CCNI2: variants seen among roughly 807,000 people sequenced by gnomAD.
CCNI2 encodes the protein cyclin I family member 2, also known as cyclin-I2.
CCNI2 carries 32 observed loss-of-function variants against 33.2 expected under a neutral mutation model. The observed-to-expected ratio is 0.96, with a 90% CI of 0.73 to 1.30. The LOEUF (loss-of-function observed/expected upper bound fraction) is 1.30, where lower values mean the gene tolerates loss of function less well. CCNI2 is among the 50% of genes most tolerant of loss of function. CCNI2 has a pLI of 0.00. For missense variants in CCNI2, 452 were observed against 486.2 expected (o/e 0.93, Z 0.66); for synonymous variants, 231 against 219.9 (o/e 1.05, Z -0.45).
At chr5:132,755,866 A>C, downstream of CCNI2, 1 of 688,558 alleles carries the variant, frequency 1.5e-6, no homozygotes, top group Non-Finnish European at 1.8e-6. Context: ...CTATTAAAAC[A>C]ATTCCTACAG....
chr5:132,747,963 C>T lies in CCNI2; in HGVS notation c.429+39C>T, dbSNP rs982337658. On this transcript the variant is annotated intron_variant, in intron 1 of 5. Coordinates refer to ENST00000378731, the MANE Select transcript of CCNI2 (RefSeq NM_001039780.4). The surrounding 1 kb of genome is among the most constrained non-coding windows in gnomAD (Gnocchi z 4.1). The stretch of plus-strand genomic sequence containing the variant: ...CCGCGTGGCCCTCCTCGCGCGTGCA[C>T]GGCAGGCGGATGTGGCCTCCACCTG... 4.4e-6 allele frequency: 6 copies of T among 1,359,756 alleles called. No individual in the cohort carries two copies. Among genetic ancestry groups the T allele is most frequent in the Non-Finnish European group, 5.6e-6 (6 of 1,062,160 alleles). 84.2% of individuals were successfully genotyped at this position (1,359,756 alleles called of 1,614,324 possible).
chr5:132,751,752 CTT>C (rs879047407), intron 4 of CCNI2: 11,127 of 511,948 alleles, frequency 0.022, no homozygotes, highest in South Asian at 0.036. Flanking sequence ...ACAAAGCAGA[CTT>C]TTTTTTTTTT....
Position 132,747,545 on chromosome 5 carries a change from G to A in CCNI2, c.50G>A (p.Ser17Asn). Residue 17 changes from serine to asparagine, a missense_variant, in exon 1 of 6, where the codon AGC becomes AAC. Ser to Asn is a conservative substitution (Grantham distance 46). Coordinates refer to ENST00000378731, the MANE Select transcript of CCNI2 (RefSeq NM_001039780.4). The surrounding 1 kb of genome is among the most constrained non-coding windows in gnomAD (Gnocchi z 4.1). Reference sequence around the variant, plus strand: ...CCGCAGCCGTCGAGCTCAGAGGTCAGCGCCGTCCAGAGCCCAGGCGGGCGT... The same window carrying A: ...CCGCAGCCGTCGAGCTCAGAGGTCAACGCCGTCCAGAGCCCAGGCGGGCGT... ...LPPQPSSSEV[S>N]AVQSPGGRPG... 1 of 1,505,730 alleles carries A rather than the reference G, an allele frequency of 6.6e-7. No individual in the cohort carries two copies. Among genetic ancestry groups the A allele is most frequent in the Non-Finnish European group, 8.8e-7 (1 of 1,134,102 alleles). The allele number at this position is 1,505,730 out of a possible 1,614,324, so 93.3% of individuals were successfully genotyped here.
chr5:132,753,859 A>G lies in CCNI2; in HGVS notation c.*889A>G, dbSNP rs1755074999. 6.6e-6 allele frequency: 1 copy of G among 152,464 alleles called. No individual in the cohort carries two copies. The highest frequency in any genetic ancestry group is 2.1e-4 in the South Asian group (1 of 4,824). 9.4% of individuals were successfully genotyped at this position (152,464 alleles called of 1,614,324 possible). A position where few individuals can be genotyped will look rare whatever the true frequency, so the allele number is the denominator to read the frequency against. On this transcript the variant is annotated 3_prime_UTR_variant, in exon 6 of 6. Transcript: ENST00000378731. ...TCTAAGCAGGGGAGTGCAGCTGACAAAGATGCCAGCTGGGGCTGTGTAAGT... is the reference window on the plus strand; with the variant it reads ...TCTAAGCAGGGGAGTGCAGCTGACAGAGATGCCAGCTGGGGCTGTGTAAGT...
intron 4 of CCNI2, chr5:132,751,209 TA>T (rs1754817357): frequency 4.2e-6 from 2 of 471,604 alleles, no homozygotes; most frequent in Non-Finnish European, 7.3e-6. Flanking sequence ...TAAAGGACAT[TA>T]AATTAACTTT....
chr5:132,754,380 G>A lies in CCNI2; in HGVS notation c.*1410G>A. The A allele has an allele frequency of 1.4e-6, 1 of 717,248 alleles. No homozygotes were observed. Among genetic ancestry groups the A allele is most frequent in the Non-Finnish European group, 2.6e-6 (1 of 384,996 alleles). 44.4% of individuals were successfully genotyped at this position (717,248 alleles called of 1,614,324 possible). On this transcript the variant is annotated 3_prime_UTR_variant, in exon 6 of 6. Transcript: ENST00000378731. ...CTTCCAGTGTAAGTGGGACCACAGT[G>A]CATGAGGCAGAAGGACATCCTGAGG...
In CCNI2 at chr5:132,752,148, C is replaced by T. The variant is rs1183851168; in HGVS notation, c.957C>T (p.Leu319=). 7 of 1,595,746 alleles carry T rather than the reference C, an allele frequency of 4.4e-6. No individual in the cohort carries two copies. The highest frequency in any genetic ancestry group is 6.0e-6 in the Non-Finnish European group (7 of 1,170,256). ...TCATCACCTTAGAGCTGGAGAGGCT[C>T]ATGCCCGGCTGGTGTGCTCCTATAT... ...LVIITLELER[L]MPGWCAPISD... Residue 319 remains leucine (L), a synonymous_variant, in exon 5 of 6, where the codon CTC becomes CTT. Coordinates refer to ENST00000378731, the MANE Select transcript of CCNI2 (RefSeq NM_001039780.4).
In CCNI2 at chr5:132,747,760, G is replaced by A. The variant is rs552604379; in HGVS notation, c.265G>A (p.Ala89Thr). Residue 89 changes from alanine (A) to threonine (T), a missense_variant, in exon 1 of 6, where the codon GCA becomes ACA. Coordinates refer to ENST00000378731, the MANE Select transcript of CCNI2 (RefSeq NM_001039780.4). The surrounding 1 kb of genome is among the most constrained non-coding windows in gnomAD (Gnocchi z 4.1). ...CGGTACGGCGCCAGCCGGGAAAACC[G>A]CAGACGCGGTCCCCGCCGCCGCCCC... ...RRGTAPAGKT[A>T]DAVPAAAPEQ... is the part of the protein sequence containing the mutation. The A allele has an allele frequency of 4.6e-5, 68 of 1,469,714 alleles. 1 individual carries two copies. The East Asian group carries it at 1.8e-3, about 40-fold the overall frequency. The allele number at this position is 1,469,714 out of a possible 1,614,324, so 91.0% of individuals were successfully genotyped here. A position where few individuals can be genotyped will look rare whatever the true frequency, so the allele number is the denominator to read the frequency against.
chr5:132,754,723 A>G (rs1388288727), downstream of CCNI2, among the ~76,000 whole-genome samples: 2 of 152,198 alleles, frequency 1.3e-5, no homozygotes, highest in African/African-American at 4.8e-5. Flanking sequence ...ACTTCCCTCT[A>G]ATATTCTTTT....
downstream of CCNI2, among the ~76,000 whole-genome samples, chr5:132,755,273 C>G (rs1264007858): frequency 6.6e-6 from 1 of 152,176 alleles, no homozygotes; most frequent in Non-Finnish European, 1.5e-5. Context: ...TACTTTTTAT[C>G]ACTTCTTTTC....
At position 132,748,378 on chromosome 5, in the gene CCNI2, T is replaced by A. The variant is rs1020325510; in HGVS notation, c.461T>A (p.Val154Glu). 1 of 1,614,036 alleles carries A rather than the reference T, an allele frequency of 6.2e-7. No homozygotes were observed. The highest frequency in any genetic ancestry group is 8.5e-7 in the Non-Finnish European group (1 of 1,180,026). Reference sequence around the variant, plus strand: ...ATCTGCGACGCCTTCGAGGAAGTCGTGCTGTGGCTCCTGCGGCTTCAGAAC... The same window carrying A: ...ATCTGCGACGCCTTCGAGGAAGTCGAGCTGTGGCTCCTGCGGCTTCAGAAC... ...DEICDAFEEV[V>E]LWLLRLQNTF... Residue 154 changes from valine (V) to glutamate (E), a missense_variant, in exon 2 of 6, where the codon GTG (valine) becomes GAG (glutamate). Val to Glu is a moderately radical substitution (Grantham distance 121, BLOSUM62 -2). Coordinates refer to ENST00000378731, the MANE Select transcript of CCNI2 (RefSeq NM_001039780.4).
intron 1 of CCNI2, 143 bp from the exon 2 acceptor site, chr5:132,748,204 G>T: frequency 1.7e-6 from 2 of 1,195,622 alleles, no homozygotes; most frequent in South Asian, 3.1e-5. Flanking sequence ...GCGCCGGGGG[G>T]CGCTTACTCC....
chr5:132,748,353 A>C lies in CCNI2; in HGVS notation c.436A>C (p.Ile146Leu). The C allele has an allele frequency of 6.2e-7, 1 of 1,614,100 alleles. No individual in the cohort carries two copies. Among genetic ancestry groups the C allele is most frequent in the Non-Finnish European group, 8.5e-7 (1 of 1,180,008 alleles). The change falls in exon 2 of 6, where the codon ATC (isoleucine) becomes CTC (leucine). Residue 146 changes from isoleucine to leucine, a missense_variant. By Grantham distance (5) the Ile-to-Leu change is conservative (BLOSUM62 2). Transcript: ENST00000378731. ...LWRGGKPQDEICDAFEEVVLW... is the reference protein window; with the variant it reads ...LWRGGKPQDELCDAFEEVVLW... ...CTGCTCTTCTTCCTAGCAGGATGAA[A>C]TCTGCGACGCCTTCGAGGAAGTCGT... is the stretch of plus-strand genomic sequence containing the variant.
chr5:132,747,564 C>A lies in CCNI2; in HGVS notation c.69C>A (p.Gly23=). ...AGGTCAGCGCCGTCCAGAGCCCAGG[C>A]GGGCGTCCCGGCGCCGGTCTGGAGG... is the stretch of plus-strand genomic sequence containing the variant. ...SSEVSAVQSP[G]GRPGAGLEET... is the part of the protein sequence containing the mutation. Residue 23 remains glycine (G), a synonymous_variant, in exon 1 of 6, where the codon GGC becomes GGA. Transcript: ENST00000378731. This position sits in a 1 kb window ranked among gnomAD's most constrained non-coding sequence, Gnocchi z 4.1. 1 of 1,496,320 alleles carries A rather than the reference C, an allele frequency of 6.7e-7. No homozygotes were observed. Among genetic ancestry groups the A allele is most frequent in the South Asian group, 1.3e-5 (1 of 79,968 alleles). The allele number at this position is 1,496,320 out of a possible 1,614,324, so 92.7% of individuals were successfully genotyped here.
Position 132,753,740 on chromosome 5 carries a change from G to A in CCNI2, c.*770G>A, listed in dbSNP as rs1240217145. On this transcript the variant is annotated 3_prime_UTR_variant, in exon 6 of 6. Transcript: ENST00000378731. ...AGCTCTGAATGCTTTCTGTTGGGATGAGCAGGTTCTGAGGCCAAGCCTGCT... is the reference window on the plus strand; with the variant it reads ...AGCTCTGAATGCTTTCTGTTGGGATAAGCAGGTTCTGAGGCCAAGCCTGCT... 2 of 152,500 alleles carry A rather than the reference G, an allele frequency of 1.3e-5. No homozygotes were observed. The highest frequency in any genetic ancestry group is 2.1e-4 in the South Asian group (1 of 4,822). The allele number at this position is 152,500 out of a possible 1,614,324, so 9.4% of individuals were successfully genotyped here.
At chr5:132,751,818 G>A in intron 4 of CCNI2, 148 bp from the exon 5 acceptor site, 1 of 943,626 alleles carries the variant, frequency 1.1e-6, no homozygotes. Context: ...TAAGCCTCAA[G>A]CCCCTTACGG....
chr5:132,750,471 T>C (rs1280941418), intron 3 of CCNI2, among the ~76,000 whole-genome samples: 1 of 152,220 alleles, frequency 6.6e-6, no homozygotes, highest in Admixed American at 6.5e-5. Context: ...AGTTTTTTTC[T>C]CTATGCCCAG....
Position 132,754,119 on chromosome 5 carries a change from T to A in CCNI2, c.*1149T>A. 1 of 362,768 alleles carries A rather than the reference T, an allele frequency of 2.8e-6. No individual in the cohort carries two copies. Among genetic ancestry groups the A allele is most frequent in the Non-Finnish European group, 5.1e-6 (1 of 196,256 alleles). The allele number at this position is 362,768 out of a possible 1,614,324, so 22.5% of individuals were successfully genotyped here. ...CATCTGTATTTTTTCTTGACACACT[T>A]TTGCTTGTTGGTGCTTTCGTTAAAA... On this transcript the variant is annotated 3_prime_UTR_variant, in exon 6 of 6. Transcript: ENST00000378731.
At chr5:132,749,473 T>G in intron 3 of CCNI2, 51 bp downstream of exon 3, 882 of 1,464,062 alleles carry the variant, frequency 6.0e-4, no homozygotes, top group Non-Finnish European at 7.8e-4. Flanking sequence ...TATAGGGGTG[T>G]AACATTGGAG....
Sources: allele counts gnomAD v4.1 joint callset (sites outside exome capture counted in the v4.1 genomes callset), GRCh38; gene constraint gnomAD v4.1.1; non-coding constraint Gnocchi (gnomAD v3.1); transcripts MANE v1.5; gene names NCBI Gene and HGNC (gene_info 2026-07-23, HGNC 2026-07-21).